HYDIN: variants seen among roughly 807,000 people sequenced by gnomAD.
The protein encoded by HYDIN is HYDIN axonemal central pair apparatus protein, also known as axonemal central pair apparatus protein HYDIN.
A neutral mutation model predicts 403.9 loss-of-function variants in HYDIN; 132 were observed. That is an observed-to-expected ratio of 0.33 (90% confidence interval 0.28 to 0.38). HYDIN has a LOEUF of 0.38. Among genes scored for constraint, HYDIN ranks in the 10% least tolerant of loss-of-function variants. The probability of loss-of-function intolerance (pLI) is 1.00; values close to 1 mark genes in which losing one functional copy is unlikely to be tolerated. For synonymous variants in HYDIN, 1,202 were observed against 1,891.7 expected (o/e 0.64, Z 9.46); for missense variants, 2,827 against 5,009.5 (o/e 0.56, Z 13.15).
intron 47 of HYDIN, among the ~76,000 whole-genome samples, chr16:70,913,079 C>G (rs2076738023): frequency 6.6e-6 from 1 of 151,830 alleles, no homozygotes; most frequent in Non-Finnish European, 1.5e-5. Context: ...TTCAAAGAAC[C>G]AGCTTTTTGT....
At chr16:71,178,855 C>T (rs1253921958) in intron 4 of HYDIN, 73 bp downstream of exon 4, 5 of 1,266,450 alleles carry the variant, frequency 3.9e-6, no homozygotes, top group Non-Finnish European at 5.5e-6. Flanking sequence ...AAAGATCCCT[C>T]AAGATCTCAT....
intron 50 of HYDIN, among the ~76,000 whole-genome samples, chr16:70,905,660 A>G (rs1206538633): frequency 6.6e-6 from 1 of 150,938 alleles, no homozygotes; most frequent in South Asian, 2.1e-4. Context: ...AAAAGACAAG[A>G]AAAGAAAAGA....
At chr16:70,976,772 A>G (rs1397614140) in intron 30 of HYDIN, among the ~76,000 whole-genome samples, 2 of 152,272 alleles carry the variant, frequency 1.3e-5, no homozygotes, top group Middle Eastern at 6.3e-3. Context: ...TATTAGGAAA[A>G]AAGGTCTAAA....
chr16:70,933,235 C>G (rs1443563164), intron 45 of HYDIN, among the ~76,000 whole-genome samples: 1 of 152,140 alleles, frequency 6.6e-6, no homozygotes, highest in African/African-American at 2.4e-5. Flanking sequence ...GGGGGACTCC[C>G]TCACAGGGCT....
At chr16:70,956,258 C>CAA (rs4028339) in intron 39 of HYDIN, among the ~76,000 whole-genome samples, 11 of 133,634 alleles carry the variant, frequency 8.2e-5, no homozygotes, top group African/African-American at 2.7e-4. Context: ...ACTTTCATTA[C>CAA]AAAAAAAAAA....
intron 20 of HYDIN, among the ~76,000 whole-genome samples, chr16:71,026,785 G>C (rs1316327728): frequency 2.0e-5 from 3 of 152,186 alleles, no homozygotes; most frequent in Non-Finnish European, 4.4e-5. Flanking sequence ...GAGAAGCTAA[G>C]CAAGGGACTA....
intron 1 of HYDIN, chr16:71,203,923 T>C (rs1294656499): frequency 1.7e-5 from 7 of 413,666 alleles, no homozygotes; most frequent in Non-Finnish European, 3.4e-5. Flanking sequence ...AGATTAGCTG[T>C]GCATGGTGGT....
At chr16:70,830,073 C>T (rs2036871623) in intron 80 of HYDIN, among the ~76,000 whole-genome samples, 1 of 152,108 alleles carries the variant, frequency 6.6e-6, no homozygotes, top group Admixed American at 6.5e-5. Flanking sequence ...AATCTCTGCC[C>T]TTGAGCTGAG....
rs756524075 is a variant in HYDIN at position 71,062,282 on chromosome 16, C to G, written c.2263G>C (p.Val755Leu). ...VLFSSPTPSG[V>L]ISPSSTIHIP... The stretch of plus-strand genomic sequence containing the variant: ...TGGATGGTGCTGCTTGGGGAGATGA[C>G]CCCGCTGGGGGTGGGGCTGGAAAAC... Residue 755 changes from valine (V) to leucine (L), a missense_variant, in exon 17 of 86, where the codon GTC becomes CTC. Coordinates refer to ENST00000393567, the MANE Select transcript of HYDIN (RefSeq NM_001270974.2). The G allele has an allele frequency of 6.4e-7, 1 of 1,568,310 alleles. No individual in the cohort carries two copies. Among genetic ancestry groups the G allele is most frequent in the African/African-American group, 1.4e-5 (1 of 73,918 alleles).
At chr16:70,954,468 A>AAAAGAAAG (rs1555588884) in intron 40 of HYDIN, among the ~76,000 whole-genome samples, 1 of 149,636 alleles carries the variant, frequency 6.7e-6, no homozygotes, top group African/African-American at 2.5e-5. Flanking sequence ...AAAAAAAAAA[A>AAAAGAAAG]AAAGAAAGAA....
chr16:71,102,541 T>C (rs1418026738), intron 10 of HYDIN, among the ~76,000 whole-genome samples: 1 of 151,048 alleles, frequency 6.6e-6, no homozygotes, highest in African/African-American at 2.4e-5. Flanking sequence ...AACAATATTA[T>C]AAGTATGATA....
At chr16:70,892,758 T>A (rs1222705017) in intron 55 of HYDIN, among the ~76,000 whole-genome samples, 1 of 152,140 alleles carries the variant, frequency 6.6e-6, no homozygotes, top group Admixed American at 6.5e-5. Context: ...TATCCCATGG[T>A]CAAGAGAGGC....
chr16:70,998,496 G>T (rs988003564), intron 23 of HYDIN, among the ~76,000 whole-genome samples: 1 of 145,692 alleles, frequency 6.9e-6, no homozygotes, highest in Non-Finnish European at 1.5e-5. Context: ...TATTTCCATT[G>T]TTCCTAATTT....
chr16:70,978,608 G>A (rs1400828164), intron 30 of HYDIN, among the ~76,000 whole-genome samples: 2 of 152,212 alleles, frequency 1.3e-5, no homozygotes, highest in Non-Finnish European at 2.9e-5. Flanking sequence ...ATGCAAAGTC[G>A]ATTGGGCCAC....
At chr16:70,883,199 G>A (rs11075803) in intron 59 of HYDIN, among the ~76,000 whole-genome samples, 4,743 of 128,892 alleles carry the variant, frequency 0.037, no homozygotes, top group African/African-American at 0.094. Context: ...GGATCCTATC[G>A]TCAAAGCATG....
chr16:70,826,294 C>T (rs867584751), intron 83 of HYDIN, among the ~76,000 whole-genome samples: 2 of 146,034 alleles, frequency 1.4e-5, no homozygotes, highest in Admixed American at 6.9e-5. Flanking sequence ...TGATATTACT[C>T]AGCTCCATCT....
At position 71,156,822 on chromosome 16, in the gene HYDIN, CCAA is replaced by C. The variant is rs533843514; in HGVS notation, c.717-4042_717-4040del. Among the ~76,000 whole-genome samples the C allele has an allele frequency of 1.9e-3, 290 of 152,138 alleles. 6 individuals are homozygous for C. The highest frequency in any genetic ancestry group is 6.6e-3 in the African/African-American group (274 of 41,498). On this transcript the variant is annotated intron_variant, in intron 6 of 85. Transcript: ENST00000393567. ...TTCTTAATACTCTCTATTTCACCTTCCAATGTTAATCCTACTTTAATCATCAAA... is the reference window on the plus strand; with the variant it reads ...TTCTTAATACTCTCTATTTCACCTTCTGTTAATCCTACTTTAATCATCAAA...
At chr16:70,923,834 A>C (rs1270736773) in intron 45 of HYDIN, among the ~76,000 whole-genome samples, 1 of 146,220 alleles carries the variant, frequency 6.8e-6, no homozygotes, top group African/African-American at 2.5e-5. Flanking sequence ...AAAAAAAAAA[A>C]AAAGAACAGA....
At chr16:71,152,824 G>C (rs1433800495) in intron 6 of HYDIN, 41 bp from the exon 7 acceptor site, 3 of 1,586,226 alleles carry the variant, frequency 1.9e-6, no homozygotes, top group Admixed American at 3.4e-5. Context: ...GCATATTTCT[G>C]ACTAGTGTGA....
Sources: gnomAD v4.1 joint callset for allele counts (sites outside exome capture counted in the v4.1 genomes callset) on GRCh38, gnomAD v4.1.1 for gene constraint, MANE v1.5 for transcripts, NCBI Gene and HGNC (gene_info 2026-07-23, HGNC 2026-07-21) for gene names.